CLPB: variants seen among roughly 807,000 people sequenced by gnomAD.
CLPB encodes the protein ClpB family mitochondrial disaggregase.
Under a neutral mutation model 78.4 loss-of-function variants are expected in CLPB, and 40 were observed. That is an observed-to-expected ratio of 0.51 (90% confidence interval 0.40 to 0.66). The LOEUF (loss-of-function observed/expected upper bound fraction) is 0.66, where lower values mean the gene tolerates loss of function less well. CLPB is among the 30% of genes least tolerant of loss of function. The pLI, the probability that CLPB is intolerant of heterozygous loss-of-function variation, is 0.00. For missense variants in CLPB, 780 were observed against 886.9 expected (o/e 0.88, Z 1.53); for synonymous variants, 333 against 348.0 (o/e 0.96, Z 0.48).
At chr11:72,341,391 GCT>G (rs781622482) in intron 5 of CLPB, among the ~76,000 whole-genome samples, 79 of 152,266 alleles carry the variant, frequency 5.2e-4, no homozygotes, top group Middle Eastern at 6.8e-3. Flanking sequence ...TTCATGTTAA[GCT>G]CTGTTTTTTG....
At chr11:72,386,141 GT>G (rs1046101391) in intron 3 of CLPB, among the ~76,000 whole-genome samples, 7 of 152,090 alleles carry the variant, frequency 4.6e-5, no homozygotes, top group Non-Finnish European at 8.8e-5. Flanking sequence ...AAATAGAGTA[GT>G]TTTTTTCTTC....
chr11:72,428,138 C>T (rs1475939568), intron 2 of CLPB, among the ~76,000 whole-genome samples: 1 of 152,208 alleles, frequency 6.6e-6, no homozygotes, highest in Non-Finnish European at 1.5e-5. Flanking sequence ...CATCCCCCAT[C>T]TGCAGTGCCC....
At chr11:72,328,693 C>A (rs1430630089) in intron 6 of CLPB, among the ~76,000 whole-genome samples, 1 of 152,226 alleles carries the variant, frequency 6.6e-6, no homozygotes, top group Non-Finnish European at 1.5e-5. Context: ...GCACAAAAGT[C>A]AAAAACCAGG....
intron 5 of CLPB, chr11:72,332,905 T>G (rs1950253642): frequency 6.6e-6 from 1 of 152,238 alleles, no homozygotes; most frequent in Admixed American, 6.5e-5. Context: ...AACAGTGCCA[T>G]GAACATTCAC....
At chr11:72,321,588 G>A (rs2135535593) in intron 6 of CLPB, among the ~76,000 whole-genome samples, 1 of 152,312 alleles carries the variant, frequency 6.6e-6, no homozygotes, top group South Asian at 2.1e-4. Flanking sequence ...TGCGGGGGAG[G>A]GTTACAGAAG....
rs1949516441 is a variant in CLPB at position 72,294,628 on chromosome 11, T to G, written c.1552A>C (p.Ile518Leu). ...CAAGAAAGACCTCTTACTTTCAGGA[T>G]AGGGCGAATCACATTCTCCTTGAAG... ...KNFKENVIRPILKAHFRRDEF... is the reference protein window; with the variant it reads ...KNFKENVIRPLLKAHFRRDEF... Residue 518 changes from isoleucine to leucine, a missense_variant, in exon 13 of 16, where the codon ATC (isoleucine) becomes CTC (leucine). Physicochemically the swap from Ile to Leu is conservative, Grantham distance 5. Transcript: ENST00000538039. 6.2e-7 allele frequency: 1 copy of G among 1,613,942 alleles called. No homozygotes were observed. Among genetic ancestry groups the G allele is most frequent in the Admixed American group, 1.7e-5 (1 of 60,014 alleles).
chr11:72,425,759 T>C (rs1856357326), intron 2 of CLPB, among the ~76,000 whole-genome samples: 2 of 152,154 alleles, frequency 1.3e-5, no homozygotes, highest in Non-Finnish European at 2.9e-5. Flanking sequence ...CCCAGGCTGC[T>C]CCTTGCCTTA....
At chr11:72,420,268 A>G (rs1390034113) in intron 2 of CLPB, among the ~76,000 whole-genome samples, 1 of 152,214 alleles carries the variant, frequency 6.6e-6, no homozygotes, top group Non-Finnish European at 1.5e-5. Flanking sequence ...TAGGAGGCCG[A>G]GGTGGGCGGA....
intron 4 of CLPB, among the ~76,000 whole-genome samples, chr11:72,375,416 C>A (rs1341888344): frequency 1.3e-5 from 2 of 152,160 alleles, no homozygotes; most frequent in African/African-American, 4.8e-5. Context: ...CTCAATCCTG[C>A]AGCAGATGGT....
intron 4 of CLPB, among the ~76,000 whole-genome samples, chr11:72,369,995 T>C (rs151113857): frequency 6.6e-6 from 1 of 152,184 alleles, no homozygotes; most frequent in Admixed American, 6.5e-5. Flanking sequence ...CAGTGAGAGA[T>C]AATCATCGGA....
intron 5 of CLPB, among the ~76,000 whole-genome samples, chr11:72,340,167 C>T (rs566058357): frequency 7.9e-5 from 12 of 152,256 alleles, no homozygotes; most frequent in African/African-American, 2.2e-4. Flanking sequence ...TTATTGCACT[C>T]GTCACACGGG....
intron 2 of CLPB, among the ~76,000 whole-genome samples, chr11:72,425,958 T>C (rs943937589): frequency 6.6e-6 from 1 of 152,072 alleles, no homozygotes; most frequent in African/African-American, 2.4e-5. Flanking sequence ...GACCACCCTA[T>C]TGCCACAGTT....
At chr11:72,343,084 T>A (rs956475573) in intron 5 of CLPB, among the ~76,000 whole-genome samples, 4 of 152,236 alleles carry the variant, frequency 2.6e-5, no homozygotes, top group African/African-American at 9.6e-5. Context: ...TATCAAGAGA[T>A]GACTTTTGCT....
At chr11:72,328,248 T>C (rs946996321) in intron 6 of CLPB, among the ~76,000 whole-genome samples, 1 of 152,198 alleles carries the variant, frequency 6.6e-6, no homozygotes, top group Non-Finnish European at 1.5e-5. Flanking sequence ...CTGGGATCCC[T>C]AAGTGCCTAG....
chr11:72,390,089 T>C (rs773092564), intron 3 of CLPB, among the ~76,000 whole-genome samples: 2 of 152,178 alleles, frequency 1.3e-5, no homozygotes, highest in African/African-American at 2.4e-5. Flanking sequence ...AGGTAGTTAA[T>C]AGTCTGTAGG....
chr11:72,402,860 G>C (rs963930237), intron 3 of CLPB, 106 bp downstream of exon 3: 7 of 836,058 alleles, frequency 8.4e-6, no homozygotes, highest in Admixed American at 2.2e-5. Context: ...CTATCTTCCT[G>C]CCTCTGGAAA....
intron 2 of CLPB, among the ~76,000 whole-genome samples, chr11:72,417,419 C>T (rs1326317135): frequency 6.6e-6 from 1 of 152,006 alleles, no homozygotes; most frequent in Non-Finnish European, 1.5e-5. Flanking sequence ...TTAGTGGTTG[C>T]AACATCTAGG....
chr11:72,293,509 A>C lies in CLPB; in HGVS notation c.1892T>G (p.Leu631Arg), dbSNP rs1232250706. The change falls in exon 16 of 16, where the codon CTC becomes CGC. Residue 631 changes from leucine to arginine, a missense_variant. Leu to Arg is a moderately radical substitution (Grantham distance 102). This residue lies in a region of CLPB where 272 missense variants were observed against 304.0 expected (regional missense o/e 0.89). Coordinates refer to ENST00000538039, the MANE Select transcript of CLPB (RefSeq NM_001258392.3). The part of the protein sequence containing the change: ...ITVEDSDKQL[L>R]KSPELPSPQA... ...GGGTGAGGGCAGTTCTGGGCTTTTG[A>C]GTAGCTGCTTGTCTGAGTCCTCCAC... The C allele has an allele frequency of 6.2e-7, 1 of 1,613,902 alleles. No homozygotes were observed. Among genetic ancestry groups the C allele is most frequent in the Non-Finnish European group, 8.5e-7 (1 of 1,179,998 alleles).
intron 3 of CLPB, among the ~76,000 whole-genome samples, chr11:72,382,293 G>A (rs560965360): frequency 2.2e-4 from 33 of 151,936 alleles, no homozygotes; most frequent in African/African-American, 7.7e-4. Flanking sequence ...TGGACCCAGG[G>A]CCCGGGCCCA....
Sources: gnomAD v4.1 joint callset for allele counts (sites outside exome capture counted in the v4.1 genomes callset) on GRCh38, gnomAD v4.1.1 for gene constraint, gnomAD v4.1.1 regional missense constraint, MANE v1.5 for transcripts, NCBI Gene and HGNC (gene_info 2026-07-23, HGNC 2026-07-21) for gene names.